The following SPATA9 variants were observed in gnomAD, a reference collection of about 807,000 sequenced individuals.
SPATA9 encodes the protein spermatogenesis associated 9, also known as spermatogenesis-associated protein 9.
Under a neutral mutation model 25.5 loss-of-function variants are expected in SPATA9, and 27 were observed. That is an observed-to-expected ratio of 1.06 (90% CI 0.78 to 1.46). The LOEUF is 1.46. Among genes scored for constraint, SPATA9 ranks in the 40% most tolerant of loss-of-function variants. The probability of loss-of-function intolerance (pLI) is 0.00; values close to 1 mark genes in which losing one functional copy is unlikely to be tolerated. For missense variants in SPATA9, 282 were observed against 297.5 expected, an observed-to-expected ratio of 0.95 and a Z score of 0.38; for synonymous variants, 102 against 105.7, an observed-to-expected ratio of 0.97 and a Z score of 0.21.
chr5:95,715,192 T>TGG, the SPATA9 span, among the ~76,000 whole-genome samples: 10 of 151,880 alleles, frequency 6.6e-5, no homozygotes, highest in East Asian at 5.8e-4. Flanking sequence ...GGCGTGGTGG[T>TGG]GCATGCCTGT....
At chr5:95,665,898 G>A (rs189813281) in intron 3 of SPATA9, among the ~76,000 whole-genome samples, 1 of 151,956 alleles carries the variant, frequency 6.6e-6, no homozygotes, top group African/African-American at 2.4e-5. Context: ...GAATCTGGGA[G>A]GCAGAGGTTG....
the SPATA9 span, among the ~76,000 whole-genome samples, chr5:95,724,925 C>T: frequency 1.3e-5 from 2 of 151,976 alleles, no homozygotes; most frequent in Non-Finnish European, 2.9e-5. Context: ...TGGTGGCATG[C>T]ACCTGTAGTC....
the SPATA9 span, among the ~76,000 whole-genome samples, chr5:95,720,514 C>T: frequency 6.6e-6 from 1 of 152,142 alleles, no homozygotes; most frequent in Non-Finnish European, 1.5e-5. Flanking sequence ...TAATAGTGTA[C>T]AATTTGTGCC....
At chr5:95,659,931 C>A (rs1213343099) in intron 4 of SPATA9, among the ~76,000 whole-genome samples, 2 of 152,162 alleles carry the variant, frequency 1.3e-5, no homozygotes, top group African/African-American at 4.8e-5. Flanking sequence ...TCTTTTCCCT[C>A]TACCTATCTC....
downstream of SPATA9, chr5:95,655,906 T>G: frequency 4.3e-6 from 3 of 705,716 alleles, no homozygotes; most frequent in Non-Finnish European, 2.3e-6. Context: ...ATCTGCTTTA[T>G]GCTGAATAAT....
chr5:95,727,151 T>A, the SPATA9 span, among the ~76,000 whole-genome samples: 2 of 152,232 alleles, frequency 1.3e-5, no homozygotes, highest in East Asian at 1.9e-4. Context: ...AATATTTTTT[T>A]AAAAGACAGC....
chr5:95,667,384 A>G (rs1174767764), intron 3 of SPATA9, among the ~76,000 whole-genome samples: 1 of 152,150 alleles, frequency 6.6e-6, no homozygotes, highest in Non-Finnish European at 1.5e-5. Flanking sequence ...TTCGGGCCGT[A>G]CTAACTCCTA....
rs1299008750 is a variant in SPATA9, at chr5:95,658,501, C to G, written c.*122G>C. ...AGAAAATGACATTTTAATAGTAGCC[C>G]CCTTCTCTTTTTTTTAAGAAAGCAG... On this transcript the variant is annotated 3_prime_UTR_variant, in exon 5 of 5. Transcript: ENST00000274432. 5.6e-6 allele frequency: 7 copies of G among 1,247,244 alleles called. 1 individual carries two copies. Among genetic ancestry groups the G allele is most frequent in the Admixed American group, 6.4e-5 (2 of 31,150 alleles). 77.3% of individuals were successfully genotyped at this position (1,247,244 alleles called of 1,614,324 possible). A position where few individuals can be genotyped will look rare whatever the true frequency, so the allele number is the denominator to read the frequency against.
intron 2 of SPATA9, among the ~76,000 whole-genome samples, chr5:95,679,296 A>C (rs758043121): frequency 6.6e-6 from 1 of 152,168 alleles, no homozygotes; most frequent in African/African-American, 2.4e-5. Flanking sequence ...TGCTGGCCTG[A>C]GCTATTTGAC....
downstream of SPATA9, chr5:95,654,281 A>T: frequency 1.2e-6 from 2 of 1,608,286 alleles, no homozygotes; most frequent in South Asian, 1.1e-5. Context: ...CCATGAAACT[A>T]TCAAAATTTC....
intron 1 of SPATA9, among the ~76,000 whole-genome samples, chr5:95,689,741 A>G (rs868059758): frequency 2.0e-5 from 3 of 152,220 alleles, no homozygotes; most frequent in Non-Finnish European, 2.9e-5. Context: ...GCCACCAAGC[A>G]TATGAAAGTA....
chr5:95,682,714 G>C, intron 1 of SPATA9, 80 bp downstream of exon 1: 1 of 1,500,076 alleles, frequency 6.7e-7, no homozygotes. Context: ...TAGATGACTC[G>C]GAAAGTAAAG....
the SPATA9 span, among the ~76,000 whole-genome samples, chr5:95,705,130 T>TA: frequency 1.3e-5 from 2 of 149,212 alleles, no homozygotes; most frequent in East Asian, 4.0e-4. Flanking sequence ...TTTATTTATT[T>TA]TTATTTTTCG....
the SPATA9 span, among the ~76,000 whole-genome samples, chr5:95,723,111 C>G: frequency 3.3e-5 from 5 of 151,880 alleles, no homozygotes; most frequent in Non-Finnish European, 7.4e-5. Context: ...CTTCCCTGGG[C>G]CACACTGGAA....
At chr5:95,708,918 A>C in the SPATA9 span, 1 of 334,870 alleles carries the variant, frequency 3.0e-6, no homozygotes, top group Non-Finnish European at 5.4e-6. Context: ...AGTAAATAAA[A>C]AGAATTAATC....
chr5:95,687,955 T>C (rs781699888), upstream of SPATA9, among the ~76,000 whole-genome samples: 2 of 152,210 alleles, frequency 1.3e-5, no homozygotes, highest in Non-Finnish European at 2.9e-5. Context: ...GGAACATTTA[T>C]ATATGGTTGG....
chr5:95,680,100 G>A (rs1185052958), intron 2 of SPATA9, among the ~76,000 whole-genome samples: 1 of 152,016 alleles, frequency 6.6e-6, no homozygotes, highest in African/African-American at 2.4e-5. Context: ...GGGTTTCACC[G>A]TGTTAGCCAG....
chr5:95,711,034 G>A, the SPATA9 span, among the ~76,000 whole-genome samples: 1 of 152,080 alleles, frequency 6.6e-6, no homozygotes, highest in Non-Finnish European at 1.5e-5. Flanking sequence ...TAAGCCTCCC[G>A]GAGGTGCTCT....
At chr5:95,686,588 C>T (rs757535276), upstream of SPATA9, among the ~76,000 whole-genome samples, 20 of 152,160 alleles carry the variant, frequency 1.3e-4, no homozygotes, top group Non-Finnish European at 2.5e-4. Flanking sequence ...ATCAATCGAG[C>T]GTGCAGAAGA....
Sources: gnomAD v4.1 joint callset for allele counts (sites outside exome capture counted in the v4.1 genomes callset) on GRCh38, gnomAD v4.1.1 for gene constraint, MANE v1.5 for transcripts, NCBI Gene and HGNC (gene_info 2026-07-23, HGNC 2026-07-21) for gene names.